Variants in FARP1 observed in about 807,000 individuals in gnomAD.
FARP1 encodes FERM, ARHGEF and pleckstrin domain-containing protein 1.
A neutral mutation model predicts 128.8 loss-of-function variants in FARP1; 52 were observed. That is an observed-to-expected ratio of 0.40 (90% CI 0.32 to 0.51). The LOEUF is 0.51. FARP1 is among the 20% of genes least tolerant of loss of function. The probability of loss-of-function intolerance (pLI) is 0.45; values close to 1 mark genes in which losing one functional copy is unlikely to be tolerated. For synonymous variants in FARP1, 580 were observed against 551.8 expected, an observed-to-expected ratio of 1.05 and a Z score of -0.72; for missense variants, 1,333 against 1,367.9, an observed-to-expected ratio of 0.97 and a Z score of 0.40.
At chr13:98,395,547 C>T (rs776024962) in intron 13 of FARP1, 71 bp downstream of exon 13, 33 of 1,471,188 alleles carry the variant, frequency 2.2e-5, no homozygotes, top group Non-Finnish European at 2.8e-5. Flanking sequence ...ACGTAGATAG[C>T]GAATACGACC....
chr13:98,446,972 G>T lies in FARP1; in HGVS notation c.3056+155G>T, dbSNP rs113030683. ...GTCCCACTGCCCGACACCAGCAGGCGATTCTGTTCTCATGGCAGAAAGTGG... is the reference window on the plus strand; with the variant it reads ...GTCCCACTGCCCGACACCAGCAGGCTATTCTGTTCTCATGGCAGAAAGTGG... On this transcript the variant is annotated intron_variant, in intron 26 of 26. Transcript: ENST00000319562. 3.3e-5 allele frequency: 24 copies of T among 732,808 alleles called. No individual in the cohort carries two copies. In the African/African-American group the frequency reaches 3.9e-4, roughly 12 times the overall value. 45.4% of individuals were successfully genotyped at this position (732,808 alleles called of 1,614,324 possible).
At chr13:98,151,660 C>CTTTTTTTTTTTTTTTTTT (rs34250002) in intron 1 of FARP1, among the ~76,000 whole-genome samples, 700 of 69,214 alleles carry the variant, frequency 0.01, 202 homozygotes, top group Non-Finnish European at 0.015. Context: ...TATCTTCCAT[C>CTTTTTTTTTTTTTTTTTT]TTTTTTTTTT....
At chr13:98,336,674 G>A (rs370434399) in intron 2 of FARP1, among the ~76,000 whole-genome samples, 1 of 152,148 alleles carries the variant, frequency 6.6e-6, no homozygotes, top group South Asian at 2.1e-4. Context: ...TATTCAGTGC[G>A]TACTTGCCAG....
intron 2 of FARP1, among the ~76,000 whole-genome samples, chr13:98,312,538 C>G (rs1188779323): frequency 6.6e-6 from 1 of 152,132 alleles, no homozygotes; most frequent in Non-Finnish European, 1.5e-5. Flanking sequence ...TGGATTTATT[C>G]TAGCATTTCA....
chr13:98,395,391 C>A lies in FARP1; in HGVS notation c.1329C>A (p.Ala443=). Residue 443 remains alanine, a synonymous_variant, in exon 13 of 27, where the codon GCC becomes GCA. Transcript: ENST00000319562. ...SPAGNKQADG[A]ASAPTEEEEE... ...CGGGTAACAAGCAGGCGGACGGAGCCGCCTCGGCGCCCACGGAGGAAGAGG... is the reference window on the plus strand; with the variant it reads ...CGGGTAACAAGCAGGCGGACGGAGCAGCCTCGGCGCCCACGGAGGAAGAGG... 6.2e-7 allele frequency: 1 copy of A among 1,611,548 alleles called. No homozygotes were observed. Among genetic ancestry groups the A allele is most frequent in the Non-Finnish European group, 8.5e-7 (1 of 1,178,950 alleles).
At chr13:98,221,556 C>T (rs1250080703) in intron 2 of FARP1, among the ~76,000 whole-genome samples, 1 of 152,188 alleles carries the variant, frequency 6.6e-6, no homozygotes, top group East Asian at 1.9e-4. Context: ...AGCTCGTTTA[C>T]TGCGTTTTTG....
chr13:98,309,871 C>A (rs891411061), intron 2 of FARP1, among the ~76,000 whole-genome samples: 2 of 152,180 alleles, frequency 1.3e-5, no homozygotes, highest in African/African-American at 4.8e-5. Context: ...CACTTTAACA[C>A]AATGGGAGAT....
chr13:98,295,983 A>C (rs1259416434), intron 2 of FARP1, among the ~76,000 whole-genome samples: 1 of 152,202 alleles, frequency 6.6e-6, no homozygotes, highest in African/African-American at 2.4e-5. Context: ...CTTAGCCTCT[A>C]GCCCAGGGCT....
chr13:98,322,123 C>A (rs1046724432), intron 2 of FARP1, among the ~76,000 whole-genome samples: 8 of 152,186 alleles, frequency 5.3e-5, no homozygotes, highest in African/African-American at 1.9e-4. Context: ...TGTGGTGAAA[C>A]CCTGTCTCTA....
chr13:98,378,304 G>A (rs997377823), intron 6 of FARP1, among the ~76,000 whole-genome samples: 3 of 152,140 alleles, frequency 2.0e-5, no homozygotes, highest in African/African-American at 7.2e-5. Context: ...TACTGCCACC[G>A]ATTTCACTTC....
chr13:98,176,967 G>A lies in FARP1; in HGVS notation c.-24+33475G>A. 6.2e-7 allele frequency: 1 copy of A among 1,600,844 alleles called. No homozygotes were observed. ...AGCGGGTGGACCTGTACACCACGTCGAGGCTCTCAGGCGCCGCCTCCTCGC... is the reference window on the plus strand; with the variant it reads ...AGCGGGTGGACCTGTACACCACGTCAAGGCTCTCAGGCGCCGCCTCCTCGC... On this transcript the variant is annotated intron_variant, in intron 1 of 26. Coordinates refer to ENST00000319562, the MANE Select transcript of FARP1 (RefSeq NM_005766.4). This position sits in a 1 kb window ranked among gnomAD's most constrained non-coding sequence, Gnocchi z 6.2.
intron 3 of FARP1, among the ~76,000 whole-genome samples, chr13:98,351,639 G>T (rs900672504): frequency 6.6e-6 from 1 of 151,148 alleles, no homozygotes; most frequent in African/African-American, 2.4e-5. Flanking sequence ...AAGAAAAAAA[G>T]AAAAGAGGTT....
At chr13:98,285,767 T>C (rs626896) in intron 2 of FARP1, among the ~76,000 whole-genome samples, 144,028 of 152,326 alleles carry the variant, frequency 0.95, 68,180 homozygotes, top group East Asian at 1. Context: ...AAAATGCTTA[T>C]AGTAGGAAGC....
intron 2 of FARP1, among the ~76,000 whole-genome samples, chr13:98,264,599 A>G (rs1884016700): frequency 6.6e-6 from 1 of 152,226 alleles, no homozygotes; most frequent in Admixed American, 6.5e-5. Flanking sequence ...GAAGCCATGA[A>G]GTCCTTCCTT....
chr13:98,348,448 A>C (rs1414867779), intron 3 of FARP1, among the ~76,000 whole-genome samples: 1 of 152,274 alleles, frequency 6.6e-6, no homozygotes, highest in Admixed American at 6.5e-5. Flanking sequence ...TTAGATGGCC[A>C]TGGGGGCGAG....
At chr13:98,368,216 G>A in intron 5 of FARP1, 21 bp downstream of exon 5, 1 of 1,584,262 alleles carries the variant, frequency 6.3e-7, no homozygotes, top group South Asian at 1.1e-5. Flanking sequence ...TGGAAACTGT[G>A]TATTTTTTGC....
chr13:98,164,235 G>A (rs1483480726), intron 1 of FARP1, among the ~76,000 whole-genome samples: 1 of 152,202 alleles, frequency 6.6e-6, no homozygotes, highest in African/African-American at 2.4e-5. Context: ...TTGTTAATTT[G>A]CGGGCCACCT....
intron 2 of FARP1, among the ~76,000 whole-genome samples, chr13:98,269,528 TG>T (rs2139574434): frequency 6.6e-6 from 1 of 152,330 alleles, no homozygotes; most frequent in African/African-American, 2.4e-5. Flanking sequence ...ATGAAATTGA[TG>T]GGGCAGATAT....
intron 2 of FARP1, among the ~76,000 whole-genome samples, chr13:98,276,349 G>T (rs1196453905): frequency 6.6e-6 from 1 of 152,206 alleles, no homozygotes; most frequent in Non-Finnish European, 1.5e-5. Context: ...GACAGAGCAA[G>T]AATTCCCTTT....
Sources: allele counts gnomAD v4.1 joint callset (sites outside exome capture counted in the v4.1 genomes callset), GRCh38; gene constraint gnomAD v4.1.1; non-coding constraint Gnocchi (gnomAD v3.1); transcripts MANE v1.5; gene names NCBI Gene and HGNC (gene_info 2026-07-23, HGNC 2026-07-21).